FOXO3: variants seen among roughly 807,000 people sequenced by gnomAD.
The protein encoded by FOXO3 is forkhead box O3, also known as forkhead box protein O3.
FOXO3 carries 4 observed loss-of-function variants against 41.9 expected under a neutral mutation model. The observed-to-expected ratio is 0.10, with a 90% CI of 0.05 to 0.22. The LOEUF (loss-of-function observed/expected upper bound fraction) is 0.22. Ranked by LOEUF, FOXO3 falls within the 10% of genes least tolerant of loss-of-function variation. The pLI, the probability that FOXO3 is intolerant of heterozygous loss-of-function variation, is 1.00. For synonymous variants in FOXO3, 318 were observed against 389.3 expected, an observed-to-expected ratio of 0.82 and a Z score of 2.16; for missense variants, 534 against 906.8, an observed-to-expected ratio of 0.59 and a Z score of 5.28.
rs565444495 is a variant in FOXO3 at position 108,664,009 on chromosome 6, T to A, written c.1176T>A (p.Asp392Glu). ...LTENLMDDLL[D>E]NITLPPSQPS... ...AAAACCTCATGGACGACCTGCTGGA[T>A]AACATCACGCTCCCGCCATCCCAGC... Residue 392 changes from aspartate to glutamate, a missense_variant, in exon 2 of 3, where the codon GAT becomes GAA. Coordinates refer to ENST00000406360, the MANE Select transcript of FOXO3 (RefSeq NM_001455.4). 6.2e-7 allele frequency: 1 copy of A among 1,614,110 alleles called. No homozygotes were observed. Among genetic ancestry groups the A allele is most frequent in the Non-Finnish European group, 8.5e-7 (1 of 1,180,012 alleles).
At chr6:108,628,992 T>C (rs1359048725) in intron 1 of FOXO3, among the ~76,000 whole-genome samples, 1 of 152,180 alleles carries the variant, frequency 6.6e-6, no homozygotes, top group Non-Finnish European at 1.5e-5. Context: ...ACCTGGGCTC[T>C]AGGGAAACCT....
In FOXO3 at chr6:108,601,606, C is replaced by A. The variant is rs114067822; in HGVS notation, c.621+39777C>A. Reference sequence around the variant, plus strand: ...GGGGTGAGCCACCGCACCCAGCCCCCCTTCTATTGCTGTCTTATAGCAACA... The same window carrying A: ...GGGGTGAGCCACCGCACCCAGCCCCACTTCTATTGCTGTCTTATAGCAACA... On this transcript the variant is annotated intron_variant, in intron 1 of 2. Transcript: ENST00000406360. Among the ~76,000 whole-genome samples, 466 of 152,332 alleles carry A rather than the reference C, an allele frequency of 3.1e-3. 3 individuals carry two copies. The highest frequency in any genetic ancestry group is 0.011 in the African/African-American group (445 of 41,580).
In FOXO3 at chr6:108,683,185, C is replaced by T. The variant is rs1770931902; in HGVS notation, c.*3393C>T. 1.3e-5 allele frequency: 2 copies of T among 152,626 alleles called. No homozygotes were observed. The highest frequency in any genetic ancestry group is 4.1e-4 in the South Asian group (2 of 4,834). 9.5% of individuals were successfully genotyped at this position (152,626 alleles called of 1,614,324 possible). ...TCACACATGTGTAGTACAAGGCGGACTTTGTGTTTGTTTTTGGTGTTAATT... is the reference window on the plus strand; with the variant it reads ...TCACACATGTGTAGTACAAGGCGGATTTTGTGTTTGTTTTTGGTGTTAATT... On this transcript the variant is annotated 3_prime_UTR_variant, in exon 3 of 3. Transcript: ENST00000406360.
At chr6:108,658,517 G>T (rs1778753381) in intron 1 of FOXO3, among the ~76,000 whole-genome samples, 1 of 152,140 alleles carries the variant, frequency 6.6e-6, no homozygotes, top group Non-Finnish European at 1.5e-5. Flanking sequence ...GAATCTAAGA[G>T]TAGTTAATAT....
chr6:108,588,027 G>A (rs148577716), intron 1 of FOXO3, among the ~76,000 whole-genome samples: 7 of 152,272 alleles, frequency 4.6e-5, no homozygotes, highest in African/African-American at 1.7e-4. Context: ...CAAAAGGAAC[G>A]TGCTTCCTAA....
At chr6:108,570,286 A>G (rs898394148) in intron 1 of FOXO3, among the ~76,000 whole-genome samples, 7 of 151,702 alleles carry the variant, frequency 4.6e-5, no homozygotes, top group Non-Finnish European at 5.9e-5. Flanking sequence ...GGCATGAGCC[A>G]TTGCACCCGG....
At chr6:108,629,906 T>C (rs1777916101) in intron 1 of FOXO3, among the ~76,000 whole-genome samples, 1 of 152,190 alleles carries the variant, frequency 6.6e-6, no homozygotes, top group Non-Finnish European at 1.5e-5. Context: ...ATTTGCTTGG[T>C]TATATAAATT....
rs1230186692 is a variant in FOXO3, at chr6:108,682,370, A to T, written c.*2578A>T. 2 of 152,658 alleles carry T rather than the reference A, an allele frequency of 1.3e-5. No individual in the cohort carries two copies. Among genetic ancestry groups the T allele is most frequent in the South Asian group, 2.1e-4 (1 of 4,824 alleles). The allele number at this position is 152,658 out of a possible 1,614,324, so 9.5% of individuals were successfully genotyped here. On this transcript the variant is annotated 3_prime_UTR_variant, in exon 3 of 3. Coordinates refer to ENST00000406360, the MANE Select transcript of FOXO3 (RefSeq NM_001455.4). ...AACAGATCAGGAGAATGAAGAGGGAATGCTTTGGTTTTTTGTTTTGTTTTG... is the reference window on the plus strand; with the variant it reads ...AACAGATCAGGAGAATGAAGAGGGATTGCTTTGGTTTTTTGTTTTGTTTTG...
intron 1 of FOXO3, among the ~76,000 whole-genome samples, chr6:108,588,924 C>G (rs995585749): frequency 6.6e-6 from 1 of 152,214 alleles, no homozygotes; most frequent in African/African-American, 2.4e-5. Context: ...GGAATACTTA[C>G]ACTTTTTGAT....
At chr6:108,586,735 G>T (rs1405915527) in intron 1 of FOXO3, among the ~76,000 whole-genome samples, 1 of 152,034 alleles carries the variant, frequency 6.6e-6, no homozygotes, top group Non-Finnish European at 1.5e-5. Context: ...AGCAGAAGGG[G>T]ATGGTTGAGG....
intron 2 of FOXO3, among the ~76,000 whole-genome samples, chr6:108,679,555 C>G (rs1459890027): frequency 1.3e-5 from 2 of 152,216 alleles, no homozygotes; most frequent in East Asian, 1.9e-4. Flanking sequence ...TTCTTTATCT[C>G]CCAAAGTGAA....
Position 108,561,710 on chromosome 6 carries a change from C to T in FOXO3, c.502C>T (p.Arg168Cys). 1.2e-6 allele frequency: 2 copies of T among 1,612,224 alleles called. No individual in the cohort carries two copies. The highest frequency in any genetic ancestry group is 8.5e-7 in the Non-Finnish European group (1 of 1,179,468). Residue 168 changes from arginine to cysteine, a missense_variant, in exon 1 of 3, where the codon CGC (arginine) becomes TGC (cysteine). Around this residue, in one of 8 missense-constraint regions of FOXO3, gnomAD observed 77 missense variants for 193.2 expected, o/e 0.40. Coordinates refer to ENST00000406360, the MANE Select transcript of FOXO3 (RefSeq NM_001455.4). ...CCTGTCCTACGCGGACCTGATCACC[C>T]GCGCCATCGAGAGCTCCCCGGACAA... ...GNLSYADLITRAIESSPDKRL... is the reference protein window; with the variant it reads ...GNLSYADLITCAIESSPDKRL...
chr6:108,630,188 A>G (rs1026990348), intron 1 of FOXO3, among the ~76,000 whole-genome samples: 4 of 152,180 alleles, frequency 2.6e-5, no homozygotes, highest in African/African-American at 4.8e-5. Flanking sequence ...AGATGACACA[A>G]GTAATACTGG....
Position 108,560,955 on chromosome 6 carries a change from A to G in FOXO3, c.-254A>G. 8.4e-6 allele frequency: 11 copies of G among 1,317,264 alleles called. No individual in the cohort carries two copies. Among genetic ancestry groups the G allele is most frequent in the Non-Finnish European group, 9.6e-6 (10 of 1,039,100 alleles). 81.6% of individuals were successfully genotyped at this position (1,317,264 alleles called of 1,614,324 possible). ...CCAGGTTCGCTGGCCGCACGTCTTCAGGTCCTCCTGTTCCTGGGAGGCGGG... is the reference window on the plus strand; with the variant it reads ...CCAGGTTCGCTGGCCGCACGTCTTCGGGTCCTCCTGTTCCTGGGAGGCGGG... On this transcript the variant is annotated 5_prime_UTR_variant, in exon 1 of 3. Transcript: ENST00000406360.
At chr6:108,611,189 T>TA (rs1275422131) in intron 1 of FOXO3, among the ~76,000 whole-genome samples, 1 of 152,228 alleles carries the variant, frequency 6.6e-6, no homozygotes, top group Non-Finnish European at 1.5e-5. Context: ...CTCATTCTTT[T>TA]AATTGCTGAG....
chr6:108,598,861 C>A (rs997078147), intron 1 of FOXO3, among the ~76,000 whole-genome samples: 3 of 152,114 alleles, frequency 2.0e-5, no homozygotes, highest in Non-Finnish European at 4.4e-5. Context: ...TGGAGACTGC[C>A]CACCCAGGGC....
intron 1 of FOXO3, among the ~76,000 whole-genome samples, chr6:108,612,525 C>T (rs1237598564): frequency 1.3e-5 from 2 of 151,882 alleles, no homozygotes; most frequent in Non-Finnish European, 2.9e-5. Flanking sequence ...ACTAGAAATA[C>T]AAAAATTAGC....
intron 1 of FOXO3, among the ~76,000 whole-genome samples, chr6:108,641,133 C>G (rs1582806248): frequency 6.6e-6 from 1 of 152,090 alleles, no homozygotes; most frequent in Admixed American, 6.5e-5. Context: ...TGGTCTCAAA[C>G]TCCTGACCTC....
At chr6:108,668,893 G>A (rs1284776867) in intron 2 of FOXO3, among the ~76,000 whole-genome samples, 3 of 152,158 alleles carry the variant, frequency 2.0e-5, no homozygotes, top group Non-Finnish European at 2.9e-5. Context: ...TTGGGAGGCC[G>A]AGACGGGTGG....
Sources: allele counts gnomAD v4.1 joint callset (sites outside exome capture counted in the v4.1 genomes callset), GRCh38; gene constraint gnomAD v4.1.1; regional missense constraint gnomAD v4.1.1; transcripts MANE v1.5; gene names NCBI Gene and HGNC (gene_info 2026-07-23, HGNC 2026-07-21).